DNAH2: variants seen among roughly 807,000 people sequenced by gnomAD.
The protein encoded by DNAH2 is dynein axonemal heavy chain 2.
Under a neutral mutation model 523.5 loss-of-function variants are expected in DNAH2, and 323 were observed. The ratio of observed to expected loss-of-function variants is 0.62; its 90% confidence interval spans 0.56 to 0.68. DNAH2 has a LOEUF of 0.68. Ranked by LOEUF, DNAH2 falls within the 30% of genes least tolerant of loss-of-function variation. The pLI is 0.00. For synonymous variants in DNAH2, 2,093 were observed against 2,177.4 expected (o/e 0.96, Z 1.08); for missense variants, 4,907 against 5,701.5 (o/e 0.86, Z 4.49).
chr17:7,786,013 G>A lies in DNAH2; in HGVS notation c.6130-111G>A. 8.8e-7 allele frequency: 1 copy of A among 1,132,774 alleles called. No homozygotes were observed. The highest frequency in any genetic ancestry group is 1.3e-6 in the Non-Finnish European group (1 of 792,294). 70.2% of individuals were successfully genotyped at this position (1,132,774 alleles called of 1,614,324 possible). A position where few individuals can be genotyped will look rare whatever the true frequency, so the allele number is the denominator to read the frequency against. ...CAGAGCCGGAGTGCAGAGGGCCCTG[G>A]TGCCATTTTTAACAGTTTGAACGTA... is the stretch of plus-strand genomic sequence containing the variant. On this transcript the variant is annotated intron_variant, in intron 39 of 85. Coordinates refer to ENST00000572933, the MANE Select transcript of DNAH2 (RefSeq NM_020877.5). This position sits in a 1 kb window ranked among gnomAD's most constrained non-coding sequence, Gnocchi z 7.5.
In DNAH2 at chr17:7,765,430, G is replaced by T. The variant is rs1056295652; in HGVS notation, c.3376G>T (p.Val1126Phe). ...GGACAGTCTCAACGGGGAGTGGGTT[G>T]TCTTCCAACAAACTCTGCTGGACAG... is the stretch of plus-strand genomic sequence containing the variant. ...MLDSLNGEWVVFQQTLLDSKQ... is the reference protein window; with the variant it reads ...MLDSLNGEWVFFQQTLLDSKQ... The change falls in exon 21 of 86, where the codon GTC (valine) becomes TTC (phenylalanine). Residue 1126 changes from valine to phenylalanine, a missense_variant. Physicochemically the swap from Val to Phe is conservative, Grantham distance 50. This residue lies in a region of DNAH2 where 2,806 missense variants were observed against 3,190.8 expected (regional missense o/e 0.88). Transcript: ENST00000572933. The T allele has an allele frequency of 1.2e-6, 2 of 1,614,196 alleles. No homozygotes were observed. Among genetic ancestry groups the T allele is most frequent in the Non-Finnish European group, 1.7e-6 (2 of 1,180,008 alleles).
intron 63 of DNAH2, among the ~76,000 whole-genome samples, chr17:7,813,304 C>T (rs972203328): frequency 4.0e-5 from 6 of 151,208 alleles, no homozygotes; most frequent in East Asian, 3.9e-4. Flanking sequence ...TGTGCTGCTA[C>T]GGTCTCAAAC....
chr17:7,813,254 G>GT (rs545699697), intron 63 of DNAH2, among the ~76,000 whole-genome samples: 159 of 145,084 alleles, frequency 1.1e-3, no homozygotes, highest in Non-Finnish European at 1.2e-3. Flanking sequence ...TCTTTTGTAG[G>GT]TTTTTTTTTT....
chr17:7,760,353 T>C lies in DNAH2; in HGVS notation c.2786-387T>C, dbSNP rs760373546. ...TCCAGCCTGGGTGACAGAGTGAGACTCCATCTAAAAAAAAAAACAAAAACA... is the reference window on the plus strand; with the variant it reads ...TCCAGCCTGGGTGACAGAGTGAGACCCCATCTAAAAAAAAAAACAAAAACA... On this transcript the variant is annotated intron_variant, in intron 17 of 85. Coordinates refer to ENST00000572933, the MANE Select transcript of DNAH2 (RefSeq NM_020877.5). The surrounding 1 kb of genome is among the most constrained non-coding windows in gnomAD (Gnocchi z 4.0). 1.4e-5 allele frequency among the ~76,000 whole-genome samples: 2 copies of C among 141,186 alleles called. No individual in the cohort carries two copies. The allele number at this position is 141,186 out of a possible 152,430, so 92.6% of individuals were successfully genotyped here. A position where few individuals can be genotyped will look rare whatever the true frequency, so the allele number is the denominator to read the frequency against.
chr17:7,833,173 C>T lies in DNAH2; in HGVS notation c.13081C>T (p.Pro4361Ser). Residue 4361 changes from proline (P) to serine (S), a missense_variant, in exon 85 of 86, where the codon CCC (proline) becomes TCC (serine). Transcript: ENST00000572933. ...AEPMQLVCLM[P>S]TIHFRPAESR... ...GCCCATGCAGCTTGTCTGCCTCATGCCCACGATCCACTTCCGGCCTGCAGA... is the reference window on the plus strand; with the variant it reads ...GCCCATGCAGCTTGTCTGCCTCATGTCCACGATCCACTTCCGGCCTGCAGA... 1 of 1,609,462 alleles carries T rather than the reference C, an allele frequency of 6.2e-7. No homozygotes were observed. Among genetic ancestry groups the T allele is most frequent in the Non-Finnish European group, 8.5e-7 (1 of 1,180,008 alleles).
At chr17:7,791,683 T>C (rs2076901049) in intron 44 of DNAH2, among the ~76,000 whole-genome samples, 1 of 152,164 alleles carries the variant, frequency 6.6e-6, no homozygotes, top group African/African-American at 2.4e-5. Context: ...TGCATCTTCA[T>C]GAGTTAGCAG....
intron 3 of DNAH2, among the ~76,000 whole-genome samples, chr17:7,726,259 G>GCCT (rs769243636): frequency 6.6e-6 from 1 of 151,598 alleles, no homozygotes; most frequent in Non-Finnish European, 1.5e-5. Flanking sequence ...ACCCGCCTTG[G>GCCT]CCTCCCAAAG....
Position 7,739,895 on chromosome 17 carries a change from A to G in DNAH2, c.1333A>G (p.Ile445Val). 1 of 1,613,970 alleles carries G rather than the reference A, an allele frequency of 6.2e-7. No homozygotes were observed. The highest frequency in any genetic ancestry group is 8.5e-7 in the Non-Finnish European group (1 of 1,179,940). The change falls in exon 9 of 86, where the codon ATC (isoleucine) becomes GTC (valine). Residue 445 changes from isoleucine to valine, a missense_variant. Ile to Val is a conservative substitution (Grantham distance 29). Around this residue, in one of 3 missense-constraint regions of DNAH2, gnomAD observed 2,806 missense variants for 3,190.8 expected, o/e 0.88. Coordinates refer to ENST00000572933, the MANE Select transcript of DNAH2 (RefSeq NM_020877.5). The stretch of plus-strand genomic sequence containing the variant: ...CACGCTGCGAGCCGTTCGCGGGGGT[A>G]TCCTGGATGTCAAGAACACCTGTTG... ...LHTLRAVRGGILDVKNTCWHE... is the reference protein window; with the variant it reads ...LHTLRAVRGGVLDVKNTCWHE...
intron 32 of DNAH2, 37 bp from the exon 33 acceptor site, chr17:7,777,409 C>T: frequency 6.2e-7 from 1 of 1,611,734 alleles, no homozygotes; most frequent in Non-Finnish European, 8.5e-7. Context: ...GGCGGCATTG[C>T]TCTGTCTGCT....
At position 7,815,990 on chromosome 17, in the gene DNAH2, G is replaced by A. The variant is rs115975260; in HGVS notation, c.9730-581G>A. Among the ~76,000 whole-genome samples the A allele has an allele frequency of 5.6e-3, 846 of 152,194 alleles. 9 individuals are homozygous for A. The highest frequency in any genetic ancestry group is 0.02 in the African/African-American group (810 of 41,526). ...TATTTTCTACTTTTTGAATAGAGGC[G>A]GGGTCTCACCATGTCGCCAGGCTGG... On this transcript the variant is annotated intron_variant, in intron 63 of 85. Coordinates refer to ENST00000572933, the MANE Select transcript of DNAH2 (RefSeq NM_020877.5).
chr17:7,818,925 G>T lies in DNAH2; in HGVS notation c.10677G>T (p.Leu3559=), dbSNP rs1395072977. The change falls in exon 71 of 86, where the codon CTG becomes CTT. Residue 3559 remains leucine (L), a synonymous_variant. Transcript: ENST00000572933. ...CCTCTGGGCCTCCCCCTAGGCTGCTGAATGAGGCCACCGGCTCCCTGCTGG... is the reference window on the plus strand; with the variant it reads ...CCTCTGGGCCTCCCCCTAGGCTGCTTAATGAGGCCACCGGCTCCCTGCTGG... ...KELEDEILRL[L]NEATGSLLDD... is the part of the protein sequence containing the mutation. The T allele has an allele frequency of 6.2e-7, 1 of 1,612,008 alleles. No homozygotes were observed. The highest frequency in any genetic ancestry group is 8.5e-7 in the Non-Finnish European group (1 of 1,179,222).
chr17:7,740,066 C>CAG (rs150829111), intron 9 of DNAH2, 128 bp downstream of exon 9: 1 of 265,778 alleles, frequency 3.8e-6, no homozygotes, highest in Non-Finnish European at 5.9e-6. Flanking sequence ...GGCGGTGGCC[C>CAG]GGGGGGGGGG....
Position 7,832,950 on chromosome 17 carries a change from G to C in DNAH2, c.12978+22G>C, listed in dbSNP as rs1211620341. The C allele has an allele frequency of 6.2e-7, 1 of 1,614,140 alleles. No homozygotes were observed. The highest frequency in any genetic ancestry group is 1.1e-5 in the South Asian group (1 of 91,086). On this transcript the variant is annotated intron_variant, in intron 84 of 85. Transcript: ENST00000572933. This position sits in a 1 kb window ranked among gnomAD's most constrained non-coding sequence, Gnocchi z 4.3. ...CAAGGTGGGAGCCAGTTGTGCTTGG[G>C]GCTCTGAGCAAAAGAGGGTACTGGA...
rs888091474 is a variant in DNAH2, at chr17:7,782,833, G to GCCA, written c.6129+1667_6129+1668insCAC. 2.7e-5 allele frequency among the ~76,000 whole-genome samples: 4 copies of GCCA among 149,902 alleles called. No individual in the cohort carries two copies. In the Admixed American group the frequency reaches 2.7e-4, roughly 10 times the overall value. On this transcript the variant is annotated intron_variant, in intron 39 of 85. Coordinates refer to ENST00000572933, the MANE Select transcript of DNAH2 (RefSeq NM_020877.5). ...AAAAAATAGCCACACATGGAGGTGT[G>GCCA]CTCCTGTAGTCACAACTACTTTCTC...
intron 63 of DNAH2, among the ~76,000 whole-genome samples, chr17:7,814,495 T>C (rs906507420): frequency 1.3e-4 from 20 of 152,230 alleles, no homozygotes; most frequent in African/African-American, 4.8e-4. Context: ...GAGATTAGCA[T>C]ACTTTAAAAA....
At chr17:7,825,744 T>C (rs975308323) in intron 77 of DNAH2, among the ~76,000 whole-genome samples, 1 of 152,206 alleles carries the variant, frequency 6.6e-6, no homozygotes, top group African/African-American at 2.4e-5. Flanking sequence ...TCTAATCCCA[T>C]CTCTGGCATC....
At chr17:7,750,878 A>G (rs907555350) in intron 12 of DNAH2, among the ~76,000 whole-genome samples, 1 of 152,162 alleles carries the variant, frequency 6.6e-6, no homozygotes, top group African/African-American at 2.4e-5. Context: ...AAAGACGGTA[A>G]AAACACAATC....
At chr17:7,774,673 C>A in intron 28 of DNAH2, 86 bp from the exon 29 acceptor site, 1 of 1,208,746 alleles carries the variant, frequency 8.3e-7, no homozygotes, top group Non-Finnish European at 1.2e-6. Flanking sequence ...TGTTCAAGAG[C>A]TGGCAAAGAA....
Position 7,805,272 on chromosome 17 carries a change from G to A in DNAH2, c.9321G>A (p.Lys3107=). Residue 3107 remains lysine, a synonymous_variant, in exon 61 of 86, where the codon AAG becomes AAA. Coordinates refer to ENST00000572933, the MANE Select transcript of DNAH2 (RefSeq NM_020877.5). ...CCCAGGCCCTGGAGTCTCTGAACAAGAAGGATATAGGAGAGATCAAGTCTT... is the reference window on the plus strand; with the variant it reads ...CCCAGGCCCTGGAGTCTCTGAACAAAAAGGATATAGGAGAGATCAAGTCTT... ...EAMRALESLN[K]KDIGEIKSYG... is the part of the protein sequence containing the mutation. 1 of 1,614,216 alleles carries A rather than the reference G, an allele frequency of 6.2e-7. No homozygotes were observed. Among genetic ancestry groups the A allele is most frequent in the Non-Finnish European group, 8.5e-7 (1 of 1,180,042 alleles).
Sources: gnomAD v4.1 joint callset for allele counts (sites outside exome capture counted in the v4.1 genomes callset) on GRCh38, gnomAD v4.1.1 for gene constraint, gnomAD v4.1.1 regional missense constraint, Gnocchi (gnomAD v3.1) non-coding constraint, MANE v1.5 for transcripts, NCBI Gene and HGNC (gene_info 2026-07-23, HGNC 2026-07-21) for gene names.